Variants in SV2A observed in about 807,000 individuals in gnomAD.
SV2A encodes solute carrier family 22 member B1.
In SV2A, 25 loss-of-function variants were observed where a neutral mutation model predicts 78.0. That is an observed-to-expected ratio of 0.32 (90% CI 0.23 to 0.45). SV2A has a LOEUF of 0.45. Among genes scored for constraint, SV2A ranks in the 20% least tolerant of loss-of-function variants. The probability of loss-of-function intolerance (pLI) is 1.00; values close to 1 mark genes in which losing one functional copy is unlikely to be tolerated. For synonymous variants in SV2A, 355 were observed against 384.7 expected, an observed-to-expected ratio of 0.92 and a Z score of 0.90; for missense variants, 752 against 971.5, an observed-to-expected ratio of 0.77 and a Z score of 3.00.
intron 12 of SV2A, chr1:149,905,456 C>CT (rs782048028): frequency 0.053 from 12,989 of 244,228 alleles, 43 homozygotes; most frequent in South Asian, 0.082. Flanking sequence ...TTTTTTTTTC[C>CT]TTTTTTTTTT....
In SV2A at chr1:149,913,535, G is replaced by T; in HGVS notation, c.306C>A (p.Pro102=). 6.2e-7 allele frequency: 1 copy of T among 1,613,704 alleles called. No individual in the cohort carries two copies. Among genetic ancestry groups the T allele is most frequent in the Non-Finnish European group, 8.5e-7 (1 of 1,179,936 alleles). The part of the protein sequence containing the change: ...EIYEGEYQGI[P]RAESGGKGER... ...CGCCTTTGCCCCCAGACTCTGCCCGGGGAATGCCCTGATATTCCCCTTCAT... is the reference window on the plus strand; with the variant it reads ...CGCCTTTGCCCCCAGACTCTGCCCGTGGAATGCCCTGATATTCCCCTTCAT... The change falls in exon 2 of 13, where the codon CCC becomes CCA. Residue 102 remains proline (P), a synonymous_variant. Transcript: ENST00000369146.
Position 149,910,824 on chromosome 1 carries a change from A to G in SV2A, c.955+2T>C. 1 of 1,613,692 alleles carries G rather than the reference A, an allele frequency of 6.2e-7. No individual in the cohort carries two copies. Among genetic ancestry groups the G allele is most frequent in the Non-Finnish European group, 8.5e-7 (1 of 1,179,668 alleles). ...TGGGGTGGATTTCCGGGGGCTGCTC[A>G]CCATAGTGGGGGATGATGGCCCAGG... is the stretch of plus-strand genomic sequence containing the variant. On this transcript the variant is annotated splice_donor_variant, in intron 4 of 12. Coordinates refer to ENST00000369146, the MANE Select transcript of SV2A (RefSeq NM_014849.5). LOFTEE classifies it high-confidence loss of function. This position sits in a 1 kb window ranked among gnomAD's most constrained non-coding sequence, Gnocchi z 4.2.
Position 149,909,290 on chromosome 1 carries a change from A to G in SV2A, c.1291-10T>C, listed in dbSNP as rs1553763305. The G allele has an allele frequency of 1.2e-6, 2 of 1,613,736 alleles. No individual in the cohort carries two copies. The highest frequency in any genetic ancestry group is 1.7e-6 in the Non-Finnish European group (2 of 1,179,842). On this transcript the variant is annotated splice_polypyrimidine_tract_variant and intron_variant, in intron 7 of 12. Transcript: ENST00000369146. ...GAAAATTCCCCCAAACCTACAGGGG[A>G]CCAGACAAAGTCAGACCTTGACTAT...
chr1:149,910,928 C>G lies in SV2A; in HGVS notation c.853G>C (p.Ala285Pro). The G allele has an allele frequency of 6.2e-7, 1 of 1,614,184 alleles. No homozygotes were observed. The highest frequency in any genetic ancestry group is 8.5e-7 in the Non-Finnish European group (1 of 1,180,026). Residue 285 changes from alanine (A) to proline (P), a missense_variant, in exon 4 of 13, where the codon GCC (alanine) becomes CCC (proline). Physicochemically the swap from Ala to Pro is conservative, Grantham distance 27 (BLOSUM62 -1). Coordinates refer to ENST00000369146, the MANE Select transcript of SV2A (RefSeq NM_014849.5). This position sits in a 1 kb window ranked among gnomAD's most constrained non-coding sequence, Gnocchi z 4.2. ...AAATGCTCCCCTCGTTTCTCCTGGG[C>G]CAGAAACTCGGAGAAATAGGAGAAG... is the stretch of plus-strand genomic sequence containing the variant. Reference protein sequence around the residue: ...IVFSYFSEFLAQEKRGEHLSW... With the variant: ...IVFSYFSEFLPQEKRGEHLSW...
Position 149,905,012 on chromosome 1 carries a change from C to A in SV2A, c.*2G>T. On this transcript the variant is annotated 3_prime_UTR_variant, in exon 13 of 13. Coordinates refer to ENST00000369146, the MANE Select transcript of SV2A (RefSeq NM_014849.5). ...GCCAATCCCAAAGCCCTAGAGACCC[C>A]TTCACTGCAGCACCTGCCCCCGGGT... The A allele has an allele frequency of 6.2e-7, 1 of 1,608,744 alleles. No individual in the cohort carries two copies.
In SV2A at chr1:149,907,818, C is replaced by A; in HGVS notation, c.1560G>T (p.Arg520=). Reference sequence around the variant, plus strand: ...AATCCTCAAAGGACACTGACTTGAGCCGCAGCCCAATGAACCTGTAAGGCC... The same window carrying A: ...AATCCTCAAAGGACACTGACTTGAGACGCAGCCCAATGAACCTGTAAGGCC... ...QYFNDKFIGL[R]LKSVSFEDSL... Residue 520 remains arginine (R), a synonymous_variant, in exon 10 of 13, where the codon CGG becomes CGT. Coordinates refer to ENST00000369146, the MANE Select transcript of SV2A (RefSeq NM_014849.5). 6.2e-7 allele frequency: 1 copy of A among 1,613,970 alleles called. No homozygotes were observed. The highest frequency in any genetic ancestry group is 1.1e-5 in the South Asian group (1 of 91,054).
intron 8 of SV2A, 34 bp from the exon 9 acceptor site, chr1:149,908,240 G>A (rs782560169): frequency 1.3e-6 from 2 of 1,597,876 alleles, no homozygotes; most frequent in African/African-American, 1.3e-5. Context: ...ACAGACAACA[G>A]GGCTTCAGAC....
chr1:149,906,971 A>G, intron 10 of SV2A, 115 bp from the exon 11 acceptor site: 1 of 1,517,312 alleles, frequency 6.6e-7, no homozygotes, highest in Non-Finnish European at 8.9e-7. Flanking sequence ...GGCTCTCAAA[A>G]TTATTCACAG....
intron 1 of SV2A, 89 bp from the exon 2 acceptor site, chr1:149,914,276 T>G: frequency 6.0e-6 from 1 of 166,184 alleles, no homozygotes; most frequent in Non-Finnish European, 1.3e-5. Flanking sequence ...CAGAGCCCCA[T>G]CTGGACCATG....
At chr1:149,906,587 G>A (rs1364906636) in intron 11 of SV2A, 63 bp downstream of exon 11, 2 of 1,562,814 alleles carry the variant, frequency 1.3e-6, no homozygotes, top group African/African-American at 1.4e-5. Context: ...TGAGAAGCCT[G>A]TTGACTGCCT....
At chr1:149,911,073 GC>G in intron 3 of SV2A, 96 bp from the exon 4 acceptor site, 6 of 1,467,858 alleles carry the variant, frequency 4.1e-6, no homozygotes, top group Non-Finnish European at 5.5e-6. Context: ...TGTCTTCCAG[GC>G]TTTTGAAGAG....
rs782595190 is a variant in SV2A at position 149,913,852 on chromosome 1, G to A, written c.-12C>T. 6.3e-7 allele frequency: 1 copy of A among 1,592,502 alleles called. No homozygotes were observed. The highest frequency in any genetic ancestry group is 1.1e-5 in the South Asian group (1 of 88,924). ...AAGCCCTCTTCCATGATGGGGCTTGGGGCACTTCACTGGGTCTTCTCCACC... is the reference window on the plus strand; with the variant it reads ...AAGCCCTCTTCCATGATGGGGCTTGAGGCACTTCACTGGGTCTTCTCCACC... On this transcript the variant is annotated 5_prime_UTR_variant, in exon 2 of 13. Transcript: ENST00000369146.
chr1:149,910,900 C>T lies in SV2A; in HGVS notation c.881G>A (p.Ser294Asn). The change falls in exon 4 of 13, where the codon AGC becomes AAC. Residue 294 changes from serine (S) to asparagine (N), a missense_variant. This residue lies in a region of SV2A where 43 missense variants were observed against 70.8 expected (regional missense o/e 0.61). Coordinates refer to ENST00000369146, the MANE Select transcript of SV2A (RefSeq NM_014849.5). This position sits in a 1 kb window ranked among gnomAD's most constrained non-coding sequence, Gnocchi z 4.2. ...AATCATCCAAAACATGCAGAGCCAG[C>T]TCAAATGCTCCCCTCGTTTCTCCTG... Reference protein sequence around the residue: ...LAQEKRGEHLSWLCMFWMIGG... With the variant: ...LAQEKRGEHLNWLCMFWMIGG... 2 of 1,614,238 alleles carry T rather than the reference C, an allele frequency of 1.2e-6. No homozygotes were observed. Among genetic ancestry groups the T allele is most frequent in the Non-Finnish European group, 1.7e-6 (2 of 1,180,040 alleles).
In SV2A at chr1:149,913,540, T is replaced by C. The variant is rs781943756; in HGVS notation, c.301A>G (p.Ile101Val). Residue 101 changes from isoleucine (I) to valine (V), a missense_variant, in exon 2 of 13, where the codon ATT becomes GTT. By Grantham distance (29) the Ile-to-Val change is conservative. Transcript: ENST00000369146. ...DEIYEGEYQG[I>V]PRAESGGKGE... The stretch of plus-strand genomic sequence containing the variant: ...TTGCCCCCAGACTCTGCCCGGGGAA[T>C]GCCCTGATATTCCCCTTCATAGATC... 6.2e-7 allele frequency: 1 copy of C among 1,613,042 alleles called. No individual in the cohort carries two copies.
chr1:149,910,734 A>G lies in SV2A; in HGVS notation c.956-31T>C, dbSNP rs1553763615. On this transcript the variant is annotated intron_variant, in intron 4 of 12. Coordinates refer to ENST00000369146, the MANE Select transcript of SV2A (RefSeq NM_014849.5). This position sits in a 1 kb window ranked among gnomAD's most constrained non-coding sequence, Gnocchi z 4.2. ...AGGGAGAAAGTGACAGCATCAGCAG[A>G]GAGGCCAGAGGCTGGGGGAACCCAC... is the stretch of plus-strand genomic sequence containing the variant. 1.2e-6 allele frequency: 2 copies of G among 1,613,062 alleles called. No homozygotes were observed. Among genetic ancestry groups the G allele is most frequent in the Non-Finnish European group, 1.7e-6 (2 of 1,179,416 alleles).
chr1:149,913,876 C>T lies in SV2A; in HGVS notation c.-36G>A. The T allele has an allele frequency of 6.4e-7, 1 of 1,551,630 alleles. No homozygotes were observed. The highest frequency in any genetic ancestry group is 8.7e-7 in the Non-Finnish European group (1 of 1,151,080). ...GGGGCACTTCACTGGGTCTTCTCCA[C>T]CTCCTGCTTCTTTTTCAGCTTTTTG... On this transcript the variant is annotated 5_prime_UTR_variant, in exon 2 of 13. It adds an upstream start codon to the 5' untranslated region. Coordinates refer to ENST00000369146, the MANE Select transcript of SV2A (RefSeq NM_014849.5).
At position 149,905,402 on chromosome 1, in the gene SV2A, G is replaced by A. The variant is rs1571494313; in HGVS notation, c.2046-205C>T. ...AAGGGAAAGGAGACCAAAAATTGAG[G>A]TTAACAGTTAAGACTTTGAGGAGTA... On this transcript the variant is annotated intron_variant, in intron 12 of 12. Coordinates refer to ENST00000369146, the MANE Select transcript of SV2A (RefSeq NM_014849.5). 6.0e-6 allele frequency: 3 copies of A among 497,774 alleles called. No homozygotes were observed. The Admixed American group carries it at 1.1e-4, about 18-fold the overall frequency. 30.8% of individuals were successfully genotyped at this position (497,774 alleles called of 1,614,324 possible).
intron 10 of SV2A, among the ~76,000 whole-genome samples, 189 bp downstream of exon 10, chr1:149,907,511 C>T (rs2092446316): frequency 6.6e-6 from 1 of 152,188 alleles, no homozygotes; most frequent in Admixed American, 6.5e-5. Context: ...TATTCTATTA[C>T]AGGAAAATGT....
intron 9 of SV2A, 64 bp downstream of exon 9, chr1:149,907,978 G>A: frequency 6.3e-7 from 1 of 1,590,098 alleles, no homozygotes; most frequent in Non-Finnish European, 8.6e-7. Context: ...TGAACCCCTA[G>A]ACTCATAAAA....
Sources: gnomAD v4.1 joint callset for allele counts (sites outside exome capture counted in the v4.1 genomes callset) on GRCh38, gnomAD v4.1.1 for gene constraint, gnomAD v4.1.1 regional missense constraint, Gnocchi (gnomAD v3.1) non-coding constraint, MANE v1.5 for transcripts, NCBI Gene and HGNC (gene_info 2026-07-23, HGNC 2026-07-21) for gene names.